The following EGFR variants were observed in gnomAD, a reference collection of about 807,000 sequenced individuals.
EGFR encodes epidermal growth factor receptor, also known as avian erythroblastic leukemia viral (v-erb-b) oncogene homolog.
A neutral mutation model predicts 143.0 loss-of-function variants in EGFR; 58 were observed. That is an observed-to-expected ratio of 0.41 (90% confidence interval 0.33 to 0.50). EGFR has a LOEUF of 0.50. EGFR is among the 20% of genes least tolerant of loss of function. The pLI, the probability that EGFR is intolerant of heterozygous loss-of-function variation, is 0.39. For missense variants in EGFR, 1,307 were observed against 1,579.0 expected, an observed-to-expected ratio of 0.83 and a Z score of 2.92; for synonymous variants, 613 against 594.4, an observed-to-expected ratio of 1.03 and a Z score of -0.45.
intron 1 of EGFR, among the ~76,000 whole-genome samples, chr7:55,129,808 A>G (rs1443146858): frequency 6.6e-6 from 1 of 152,184 alleles, no homozygotes; most frequent in African/African-American, 2.4e-5. Flanking sequence ...GGGAAAATGA[A>G]TCACTCCAAC....
At chr7:55,060,460 A>C (rs751357546) in intron 1 of EGFR, among the ~76,000 whole-genome samples, 1 of 152,242 alleles carries the variant, frequency 6.6e-6, no homozygotes, top group African/African-American at 2.4e-5. Context: ...CATTCTAAGA[A>C]AGTATAATGA....
At chr7:55,125,806 A>G (rs1288579473) in intron 1 of EGFR, among the ~76,000 whole-genome samples, 1 of 152,238 alleles carries the variant, frequency 6.6e-6, no homozygotes, top group East Asian at 1.9e-4. Flanking sequence ...GATGCCATCT[A>G]GGACCCCCTC....
At chr7:55,076,125 T>C (rs1790119721) in intron 1 of EGFR, among the ~76,000 whole-genome samples, 1 of 152,224 alleles carries the variant, frequency 6.6e-6, no homozygotes, top group Non-Finnish European at 1.5e-5. Flanking sequence ...TAACATTCTG[T>C]TAGTAGTGTT....
At chr7:55,157,805 G>A (rs755564985) in intron 11 of EGFR, 52 bp downstream of exon 11, 1 of 1,571,778 alleles carries the variant, frequency 6.4e-7, no homozygotes, top group Non-Finnish European at 8.8e-7. Context: ...TTTTTAGTTG[G>A]AAATTAGGCT....
At chr7:55,101,013 G>A (rs990721528) in intron 1 of EGFR, among the ~76,000 whole-genome samples, 1 of 152,156 alleles carries the variant, frequency 6.6e-6, no homozygotes, top group Non-Finnish European at 1.5e-5. Context: ...GTTTCTCCTC[G>A]TGCTGGCCTT....
intron 1 of EGFR, among the ~76,000 whole-genome samples, chr7:55,113,058 G>A (rs1445610890): frequency 6.6e-6 from 1 of 152,232 alleles, no homozygotes; most frequent in Non-Finnish European, 1.5e-5. Context: ...GGAGATGTCT[G>A]TACCAGACGC....
chr7:55,197,068 G>A lies in EGFR; in HGVS notation c.2702-1649G>A, dbSNP rs549136000. ...AAGAATCTCATTGGTAGTGTGATAGGAGTAACATTGAATCTATAAAATACT... is the reference window on the plus strand; with the variant it reads ...AAGAATCTCATTGGTAGTGTGATAGAAGTAACATTGAATCTATAAAATACT... On this transcript the variant is annotated intron_variant, in intron 22 of 27. Transcript: ENST00000275493. 2.0e-5 allele frequency among the ~76,000 whole-genome samples: 3 copies of A among 152,184 alleles called. No individual in the cohort carries two copies. The South Asian group carries it at 6.2e-4, about 32-fold the overall frequency.
At chr7:55,109,127 C>T (rs1485774562) in intron 1 of EGFR, among the ~76,000 whole-genome samples, 1 of 152,106 alleles carries the variant, frequency 6.6e-6, no homozygotes, top group Non-Finnish European at 1.5e-5. Flanking sequence ...TTTATTGCCT[C>T]CTTAGGCAAA....
intron 1 of EGFR, among the ~76,000 whole-genome samples, chr7:55,141,396 T>G (rs1393708919): frequency 6.6e-6 from 1 of 152,098 alleles, no homozygotes; most frequent in Non-Finnish European, 1.5e-5. Context: ...AATTTAAAAT[T>G]TTTTCTTGGA....
intron 20 of EGFR, among the ~76,000 whole-genome samples, chr7:55,184,764 C>T (rs1467097006): frequency 6.6e-6 from 1 of 152,206 alleles, no homozygotes; most frequent in Non-Finnish European, 1.5e-5. Flanking sequence ...CAAGAGAAAC[C>T]TCATTCCTCT....
chr7:55,146,777 C>T (rs1794788026), intron 4 of EGFR, 37 bp downstream of exon 4: 11 of 1,613,650 alleles, frequency 6.8e-6, no homozygotes, highest in South Asian at 1.1e-5. Flanking sequence ...GCCTCCAGCT[C>T]CTATGGGGGA....
At chr7:55,050,318 C>T (rs1382236205) in intron 1 of EGFR, among the ~76,000 whole-genome samples, 2 of 152,172 alleles carry the variant, frequency 1.3e-5, no homozygotes, top group Non-Finnish European at 2.9e-5. Flanking sequence ...ACTCTAAGCA[C>T]CTCTTATAAG....
chr7:55,038,248 C>G (rs1787711768), intron 1 of EGFR, among the ~76,000 whole-genome samples: 1 of 152,192 alleles, frequency 6.6e-6, no homozygotes, highest in Non-Finnish European at 1.5e-5. Context: ...CAGAGACACA[C>G]TCGCCCCAGT....
intron 1 of EGFR, among the ~76,000 whole-genome samples, chr7:55,064,208 G>T (rs1285394249): frequency 6.6e-6 from 1 of 152,196 alleles, no homozygotes; most frequent in Non-Finnish European, 1.5e-5. Flanking sequence ...AAAATAGGTT[G>T]TATGTAGTAT....
chr7:55,072,058 C>G (rs1861007), intron 1 of EGFR, among the ~76,000 whole-genome samples: 130,433 of 152,214 alleles, frequency 0.86, 56,221 homozygotes, highest in East Asian at 0.97. Context: ...GCAGCGTCCA[C>G]TGTGTGCCAC....
chr7:55,036,759 T>A (rs956052944), intron 1 of EGFR, among the ~76,000 whole-genome samples: 3 of 152,124 alleles, frequency 2.0e-5, no homozygotes, highest in Non-Finnish European at 4.4e-5. Context: ...TATATAAAAA[T>A]AGGTTTTGAA....
intron 20 of EGFR, among the ~76,000 whole-genome samples, chr7:55,184,224 C>T (rs566033560): frequency 6.6e-6 from 1 of 152,330 alleles, no homozygotes; most frequent in African/African-American, 2.4e-5. Context: ...ATGGCTGATC[C>T]CCACTGAGTG....
intron 1 of EGFR, among the ~76,000 whole-genome samples, chr7:55,074,002 C>A (rs532246513): frequency 6.6e-6 from 1 of 152,374 alleles, no homozygotes; most frequent in African/African-American, 2.4e-5. Flanking sequence ...ACACACCCTT[C>A]CCCTAGTCTG....
intron 1 of EGFR, among the ~76,000 whole-genome samples, chr7:55,046,800 T>C (rs1332990076): frequency 6.6e-6 from 1 of 152,172 alleles, no homozygotes; most frequent in African/African-American, 2.4e-5. Context: ...CACCTCCCAA[T>C]GCTGTCACAA....
Sources: gnomAD v4.1 joint callset for allele counts (sites outside exome capture counted in the v4.1 genomes callset) on GRCh38, gnomAD v4.1.1 for gene constraint, MANE v1.5 for transcripts, NCBI Gene and HGNC (gene_info 2026-07-23, HGNC 2026-07-21) for gene names.